IKBIP: variants seen among roughly 807,000 people sequenced by gnomAD.
IKBIP encodes inhibitor of nuclear factor kappa-B kinase-interacting protein.
Under a neutral mutation model 31.0 loss-of-function variants are expected in IKBIP, and 28 were observed. The ratio of observed to expected loss-of-function variants is 0.90; its 90% CI spans 0.67 to 1.24. The LOEUF (loss-of-function observed/expected upper bound fraction) is 1.24. Among genes scored for constraint, IKBIP ranks in the 50% most tolerant of loss-of-function variants. IKBIP has a pLI of 0.00. For missense variants in IKBIP, 453 were observed against 441.9 expected (o/e 1.03, Z -0.23); for synonymous variants, 164 against 160.3 (o/e 1.02, Z -0.17).
At chr12:98,643,243 G>A (rs776055850) in intron 1 of IKBIP, among the ~76,000 whole-genome samples, 64 of 152,088 alleles carry the variant, frequency 4.2e-4, no homozygotes, top group African/African-American at 8.0e-4. Context: ...GAGCCACCGC[G>A]CCCAGCCGTA....
chr12:98,623,802 A>T (rs545743098), downstream of IKBIP, among the ~76,000 whole-genome samples: 1 of 151,234 alleles, frequency 6.6e-6, no homozygotes, highest in South Asian at 2.1e-4. Flanking sequence ...AAGACTAACA[A>T]TGTAATTTAA....
At chr12:98,633,961 G>A (rs1479747579) in intron 2 of IKBIP, among the ~76,000 whole-genome samples, 1 of 152,164 alleles carries the variant, frequency 6.6e-6, no homozygotes, top group Non-Finnish European at 1.5e-5. Context: ...ATGAGATCGA[G>A]CGCATTCAGG....
rs1416731616 is a variant in IKBIP at position 98,624,540 on chromosome 12, T to G, written c.*1390A>C. 2.0e-6 allele frequency: 2 copies of G among 984,522 alleles called. No individual in the cohort carries two copies. The highest frequency in any genetic ancestry group is 3.5e-5 in the African/African-American group (2 of 57,220). 61.0% of individuals were successfully genotyped at this position (984,522 alleles called of 1,614,324 possible). On this transcript the variant is annotated 3_prime_UTR_variant, in exon 3 of 3. Transcript: ENST00000299157. ...ACTACCTTTTTGTAACTGACTGCTTTCAAGTTCTTTGTGTTTAATTCCATC... is the reference window on the plus strand; with the variant it reads ...ACTACCTTTTTGTAACTGACTGCTTGCAAGTTCTTTGTGTTTAATTCCATC...
exon 3 of IKBIP, chr12:98,613,970 T>C: frequency 1.2e-6 from 2 of 1,613,192 alleles, no homozygotes; most frequent in Non-Finnish European, 8.5e-7. Context: ...TGCTGTTCGA[T>C]CAATACTGCT....
chr12:98,635,185 T>C (rs1043708931), intron 1 of IKBIP, among the ~76,000 whole-genome samples: 1 of 151,908 alleles, frequency 6.6e-6, no homozygotes, highest in African/African-American at 2.4e-5. Context: ...TTTAATATTT[T>C]TAGTAGAGAT....
intron 1 of IKBIP, 123 bp from the exon 2 acceptor site, chr12:98,634,536 T>TC: frequency 4.2e-6 from 1 of 237,394 alleles, no homozygotes; most frequent in Non-Finnish European, 8.2e-6. Context: ...AGCTGTAGGT[T>TC]TTTTTTTTTT....
intron 2 of IKBIP, 67 bp from the exon 3 acceptor site, chr12:98,626,833 TAACA>T: frequency 7.8e-7 from 1 of 1,289,734 alleles, no homozygotes; most frequent in South Asian, 1.4e-5. Flanking sequence ...AAACACACTT[TAACA>T]ATCAGGAGCA....
chr12:98,633,507 A>ATTT (rs1555211700), intron 2 of IKBIP, among the ~76,000 whole-genome samples: 8 of 96,466 alleles, frequency 8.3e-5, no homozygotes, highest in South Asian at 3.5e-4. Context: ...TTTTTTTTTA[A>ATTT]TTCTTTTTTT....
rs183146920 is a variant in IKBIP, at chr12:98,632,546, T to C, written c.297+1750A>G. 8.2e-3 allele frequency among the ~76,000 whole-genome samples: 815 copies of C among 99,636 alleles called. 22 individuals carry two copies. Among genetic ancestry groups the C allele is most frequent in the African/African-American group, 0.028 (702 of 25,008 alleles). The allele number at this position is 99,636 out of a possible 152,430, so 65.4% of individuals were successfully genotyped here. A position where few individuals can be genotyped will look rare whatever the true frequency, so the allele number is the denominator to read the frequency against. Reference sequence around the variant, plus strand: ...ATATATATATATATATATATATATATATGAAGTTTCTTGCCCCTGGGATTT... The same window carrying C: ...ATATATATATATATATATATATATACATGAAGTTTCTTGCCCCTGGGATTT... On this transcript the variant is annotated intron_variant, in intron 2 of 2. Transcript: ENST00000299157.
At chr12:98,628,121 G>C (rs1163218584) in intron 2 of IKBIP, among the ~76,000 whole-genome samples, 1 of 152,204 alleles carries the variant, frequency 6.6e-6, no homozygotes, top group Non-Finnish European at 1.5e-5. Flanking sequence ...TGTGCTTGCA[G>C]CATTATGCTG....
rs747389500 is a variant in IKBIP at position 98,613,646 on chromosome 12, A to AT, written c.991dup (p.Ile331AsnfsTer5). 2 of 1,569,856 alleles carry AT rather than the reference A, an allele frequency of 1.3e-6. No homozygotes were observed. The highest frequency in any genetic ancestry group is 1.7e-6 in the Non-Finnish European group (2 of 1,147,478). On this transcript the variant is annotated frameshift_variant, in exon 3 of 3. Coordinates refer to the IKBIP transcript ENST00000342502. LOFTEE classifies it high-confidence loss of function. ...AATATCCTTAATCTCAGCTTGGACT[A>AT]TTGTTAAATTAGATATTTTTTCACT...
At chr12:98,620,176 C>A (rs1466573257), downstream of IKBIP, among the ~76,000 whole-genome samples, 2 of 150,432 alleles carry the variant, frequency 1.3e-5, no homozygotes, top group Non-Finnish European at 3.0e-5. Context: ...CCACCTCAGA[C>A]TCCCAAAGTG....
intron 2 of IKBIP, 80 bp downstream of exon 2, chr12:98,634,216 A>G: frequency 1.4e-6 from 1 of 709,886 alleles, no homozygotes; most frequent in Non-Finnish European, 2.5e-6. Flanking sequence ...AGGAAGAAAG[A>G]AGTTCTGAGC....
At chr12:98,632,789 T>A (rs2097622207) in intron 2 of IKBIP, among the ~76,000 whole-genome samples, 1 of 151,462 alleles carries the variant, frequency 6.6e-6, no homozygotes, top group Non-Finnish European at 1.5e-5. Context: ...CATGCTCAGC[T>A]AATATTTTTG....
At chr12:98,632,838 T>A (rs1173799766) in intron 2 of IKBIP, among the ~76,000 whole-genome samples, 1 of 151,724 alleles carries the variant, frequency 6.6e-6, no homozygotes, top group Non-Finnish European at 1.5e-5. Context: ...TGTTGGCCAA[T>A]CTGGTCTCGA....
downstream of IKBIP, chr12:98,624,161 G>T: frequency 4.2e-6 from 2 of 474,440 alleles, no homozygotes; most frequent in Non-Finnish European, 5.4e-6. Context: ...GGTGATCGGT[G>T]AGAAAAAAAT....
At chr12:98,638,556 T>C (rs2097627813) in intron 1 of IKBIP, among the ~76,000 whole-genome samples, 1 of 151,574 alleles carries the variant, frequency 6.6e-6, no homozygotes, top group South Asian at 2.1e-4. Context: ...ATTATAGGTG[T>C]GAGCCAGAGC....
At chr12:98,626,823 A>T in intron 2 of IKBIP, 57 bp from the exon 3 acceptor site, 4 of 1,377,272 alleles carry the variant, frequency 2.9e-6, no homozygotes, top group Non-Finnish European at 4.0e-6. Flanking sequence ...CATATTAGAG[A>T]AACACACTTT....
At chr12:98,634,228 G>T (rs927011219) in intron 2 of IKBIP, 68 bp downstream of exon 2, 2 of 768,802 alleles carry the variant, frequency 2.6e-6, no homozygotes, top group Non-Finnish European at 4.6e-6. Context: ...GTTCTGAGCT[G>T]GGATAGAGAA....
Sources: allele counts gnomAD v4.1 joint callset (sites outside exome capture counted in the v4.1 genomes callset), GRCh38; gene constraint gnomAD v4.1.1; transcripts MANE v1.5; gene names NCBI Gene and HGNC (gene_info 2026-07-23, HGNC 2026-07-21).